The following EDF1 variants were observed in gnomAD, a reference collection of about 807,000 sequenced individuals.
EDF1 encodes the protein endothelial differentiation related factor 1.
Under a neutral mutation model 20.8 loss-of-function variants are expected in EDF1, and 5 were observed. The observed-to-expected ratio is 0.24, with a 90% confidence interval of 0.13 to 0.51. The LOEUF (loss-of-function observed/expected upper bound fraction) is 0.51. Among genes scored for constraint, EDF1 ranks in the 20% least tolerant of loss-of-function variants. The pLI is 0.97. For missense variants in EDF1, 137 were observed against 197.8 expected, an observed-to-expected ratio of 0.69 and a Z score of 1.84; for synonymous variants, 96 against 78.5, an observed-to-expected ratio of 1.22 and a Z score of -1.18.
At position 136,862,689 on chromosome 9, in the gene EDF1, G is replaced by T; in HGVS notation, c.385+217C>A. ...CTGACGGGAACTGGCAAGGGGAAGG[G>T]ACTCGGACTCCACTTGCTCTTAGGG... On this transcript the variant is annotated intron_variant, in intron 4 of 4. Transcript: ENST00000224073. The surrounding 1 kb of genome is among the most constrained non-coding windows in gnomAD (Gnocchi z 4.1). The T allele has an allele frequency of 6.7e-7, 1 of 1,494,750 alleles. No individual in the cohort carries two copies. Among genetic ancestry groups the T allele is most frequent in the South Asian group, 1.3e-5 (1 of 75,310 alleles). 92.6% of individuals were successfully genotyped at this position (1,494,750 alleles called of 1,614,324 possible). A position where few individuals can be genotyped will look rare whatever the true frequency, so the allele number is the denominator to read the frequency against.
At chr9:136,865,857 G>A (rs978864196) in intron 1 of EDF1, among the ~76,000 whole-genome samples, 2 of 73,374 alleles carry the variant, frequency 2.7e-5, no homozygotes, top group Non-Finnish European at 5.0e-5. Flanking sequence ...CACTGGTCCC[G>A]GCCCTATCGC....
rs1368350471 is a variant in EDF1 at position 136,865,964 on chromosome 9, C to A, written c.78+217G>T. Among the ~76,000 whole-genome samples, 8 of 150,420 alleles carry A rather than the reference C, an allele frequency of 5.3e-5. No homozygotes were observed. The East Asian group carries it at 9.8e-4, about 19-fold the overall frequency. On this transcript the variant is annotated intron_variant, in intron 1 of 4. Transcript: ENST00000224073. ...TCCATCCCCTCCTGGGTCCGCCCCC[C>A]ACCTTCCCACCCCTGTCCTGGCCCG...
intron 1 of EDF1, among the ~76,000 whole-genome samples, chr9:136,865,053 A>G (rs1416846369): frequency 6.6e-6 from 1 of 152,138 alleles, no homozygotes; most frequent in African/African-American, 2.4e-5. Flanking sequence ...AGAAAAGGAG[A>G]GTGAATTTGG....
At position 136,863,838 on chromosome 9, in the gene EDF1, C is replaced by A. The variant is rs1849160722; in HGVS notation, c.112G>T (p.Val38Leu). 1 of 1,614,008 alleles carries A rather than the reference C, an allele frequency of 6.2e-7. No homozygotes were observed. Among genetic ancestry groups the A allele is most frequent in the Non-Finnish European group, 8.5e-7 (1 of 1,180,002 alleles). Reference protein sequence around the residue: ...ILAAQRRGEDVETSKKWAAGQ... With the variant: ...ILAAQRRGEDLETSKKWAAGQ... ...TACCTACATTTCTTGGAAGTCTCCA[C>A]ATCTTCTCCTCGTCTCTGTGCCGCT... The change falls in exon 2 of 5, where the codon GTG becomes TTG. Residue 38 changes from valine to leucine, a missense_variant. Physicochemically the swap from Val to Leu is conservative, Grantham distance 32. Coordinates refer to ENST00000224073, the MANE Select transcript of EDF1 (RefSeq NM_003792.4). The surrounding 1 kb of genome is among the most constrained non-coding windows in gnomAD (Gnocchi z 4.5).
In EDF1 at chr9:136,863,134, G is replaced by A; in HGVS notation, c.292-135C>T. The A allele has an allele frequency of 6.6e-7, 1 of 1,506,908 alleles. No homozygotes were observed. Among genetic ancestry groups the A allele is most frequent in the Non-Finnish European group, 9.0e-7 (1 of 1,105,774 alleles). The allele number at this position is 1,506,908 out of a possible 1,614,324, so 93.3% of individuals were successfully genotyped here. A position where few individuals can be genotyped will look rare whatever the true frequency, so the allele number is the denominator to read the frequency against. On this transcript the variant is annotated intron_variant, in intron 3 of 4. Transcript: ENST00000224073. The surrounding 1 kb of genome is among the most constrained non-coding windows in gnomAD (Gnocchi z 4.5). ...CCACACGCAGCTGGGTTTTGTGCGA[G>A]AGGCAGTGAGAGCCGGGCTGACCTG...
chr9:136,863,736 C>T lies in EDF1; in HGVS notation c.130+84G>A, dbSNP rs114758798. 1.6e-3 allele frequency: 2,513 copies of T among 1,528,912 alleles called. 45 individuals are homozygous for T. The African/African-American group carries it at 0.029, about 18-fold the overall frequency. 94.7% of individuals were successfully genotyped at this position (1,528,912 alleles called of 1,614,324 possible). On this transcript the variant is annotated intron_variant, in intron 2 of 4. Transcript: ENST00000224073. The surrounding 1 kb of genome is among the most constrained non-coding windows in gnomAD (Gnocchi z 4.5). ...GCAGGCACTCAGCTGACAACGTCCC[C>T]GGGGGCGCCGCACACACCACACCCA...
chr9:136,866,044 A>C (rs1438647004), intron 1 of EDF1, 137 bp downstream of exon 1: 31 of 350,760 alleles, frequency 8.8e-5, no homozygotes, highest in African/African-American at 3.8e-4. Flanking sequence ...TGCCCCCGGC[A>C]CCCCAGCCTT....
chr9:136,863,128 G>A lies in EDF1; in HGVS notation c.292-129C>T. ...ACGCACCCACACGCAGCTGGGTTTT[G>A]TGCGAGAGGCAGTGAGAGCCGGGCT... On this transcript the variant is annotated intron_variant, in intron 3 of 4. Coordinates refer to ENST00000224073, the MANE Select transcript of EDF1 (RefSeq NM_003792.4). This position sits in a 1 kb window ranked among gnomAD's most constrained non-coding sequence, Gnocchi z 4.5. 1 of 1,515,860 alleles carries A rather than the reference G, an allele frequency of 6.6e-7. No homozygotes were observed. Among genetic ancestry groups the A allele is most frequent in the Non-Finnish European group, 9.0e-7 (1 of 1,110,218 alleles). 93.9% of individuals were successfully genotyped at this position (1,515,860 alleles called of 1,614,324 possible). A position where few individuals can be genotyped will look rare whatever the true frequency, so the allele number is the denominator to read the frequency against.
At position 136,862,727 on chromosome 9, in the gene EDF1, C is replaced by T. The variant is rs1235237634; in HGVS notation, c.385+179G>A. ...CTTGCTCTTAGGGGTTTCCTGAGGC[C>T]TGCAGAGACCCCACCATCCCTCAGT... On this transcript the variant is annotated intron_variant, in intron 4 of 4. Transcript: ENST00000224073. The surrounding 1 kb of genome is among the most constrained non-coding windows in gnomAD (Gnocchi z 4.1). 3.2e-6 allele frequency: 5 copies of T among 1,544,654 alleles called. No homozygotes were observed. The African/African-American group carries it at 5.5e-5, about 17-fold the overall frequency.
At chr9:136,865,131 C>T (rs980777564) in intron 1 of EDF1, among the ~76,000 whole-genome samples, 3 of 152,170 alleles carry the variant, frequency 2.0e-5, no homozygotes, top group African/African-American at 4.8e-5. Context: ...CCCAGCGCAT[C>T]CTGGCCCAAC....
chr9:136,866,259 G>T lies in EDF1; in HGVS notation c.-1C>A. On this transcript the variant is annotated 5_prime_UTR_variant, in exon 1 of 5. Coordinates refer to ENST00000224073, the MANE Select transcript of EDF1 (RefSeq NM_003792.4). Reference sequence around the variant, plus strand: ...CCGTGTCCCAGTCGCTCTCGGCCATGGCGGGCGAAGACGAGCGTCCGTCCG... The same window carrying T: ...CCGTGTCCCAGTCGCTCTCGGCCATTGCGGGCGAAGACGAGCGTCCGTCCG... 6.3e-7 allele frequency: 1 copy of T among 1,596,010 alleles called. No individual in the cohort carries two copies. Among genetic ancestry groups the T allele is most frequent in the South Asian group, 1.1e-5 (1 of 88,904 alleles).
chr9:136,863,926 C>T lies in EDF1; in HGVS notation c.79-55G>A, dbSNP rs1350993405. The T allele has an allele frequency of 1.9e-6, 3 of 1,590,612 alleles. No individual in the cohort carries two copies. Among genetic ancestry groups the T allele is most frequent in the African/African-American group, 1.3e-5 (1 of 74,612 alleles). Reference sequence around the variant, plus strand: ...AAATTAGCTTTGACAGTATCCAGCACACACCAATTCAGGCCTGCTGTTAGC... The same window carrying T: ...AAATTAGCTTTGACAGTATCCAGCATACACCAATTCAGGCCTGCTGTTAGC... On this transcript the variant is annotated intron_variant, in intron 1 of 4. Transcript: ENST00000224073. The surrounding 1 kb of genome is among the most constrained non-coding windows in gnomAD (Gnocchi z 4.5).
intron 1 of EDF1, among the ~76,000 whole-genome samples, chr9:136,865,255 C>T (rs571949208): frequency 2.6e-5 from 4 of 152,234 alleles, no homozygotes; most frequent in East Asian, 1.9e-4. Flanking sequence ...GATCCATCAG[C>T]CACATTGGTA....
In EDF1 at chr9:136,862,373, T is replaced by C. The variant is rs201155783; in HGVS notation, c.386-28A>G. ...GAAATGAGCCACAGCCACTGGCCAC[T>C]GCAGCACCAGCTCCCTCCTCCCCCC... On this transcript the variant is annotated intron_variant, in intron 4 of 4. Coordinates refer to ENST00000224073, the MANE Select transcript of EDF1 (RefSeq NM_003792.4). The surrounding 1 kb of genome is among the most constrained non-coding windows in gnomAD (Gnocchi z 4.1). The C allele has an allele frequency of 1.1e-4, 181 of 1,613,990 alleles. No homozygotes were observed. In the African/African-American group the frequency reaches 1.2e-3, roughly 11 times the overall value.
rs1849149954 is a variant in EDF1, at chr9:136,863,384, T to TG, written c.194dup (p.Glu66ArgfsTer6). On this transcript the variant is annotated frameshift_variant, in exon 3 of 5. Coordinates refer to ENST00000224073, the MANE Select transcript of EDF1 (RefSeq NM_003792.4). LOFTEE classifies it high-confidence loss of function. The surrounding 1 kb of genome is among the most constrained non-coding windows in gnomAD (Gnocchi z 4.5). ...TCACCCTGTCATGGTGCAGCTCCTC[T>TG]GTCTCCCGGTCCAGCTTGGCCGTGT... is the stretch of plus-strand genomic sequence containing the variant. The TG allele has an allele frequency of 6.2e-7, 1 of 1,614,038 alleles. No homozygotes were observed. The highest frequency in any genetic ancestry group is 1.7e-5 in the Admixed American group (1 of 60,008).
At position 136,862,219 on chromosome 9, in the gene EDF1, C is replaced by A. The variant is rs1255063299; in HGVS notation, c.*65G>T. The A allele has an allele frequency of 6.2e-7, 1 of 1,605,440 alleles. No individual in the cohort carries two copies. The highest frequency in any genetic ancestry group is 8.5e-7 in the Non-Finnish European group (1 of 1,172,572). On this transcript the variant is annotated 3_prime_UTR_variant, in exon 5 of 5. Coordinates refer to ENST00000224073, the MANE Select transcript of EDF1 (RefSeq NM_003792.4). The surrounding 1 kb of genome is among the most constrained non-coding windows in gnomAD (Gnocchi z 4.1). The stretch of plus-strand genomic sequence containing the variant: ...CGTTCGGCCCGTGAGGAGAACGGAA[C>A]TGGCGGCCAAGGGGAACCGGCGGAA...
chr9:136,862,511 G>A lies in EDF1; in HGVS notation c.386-166C>T, dbSNP rs371485794. 2.1e-5 allele frequency: 34 copies of A among 1,609,890 alleles called. No individual in the cohort carries two copies. The highest frequency in any genetic ancestry group is 3.3e-4 in the Middle Eastern group (2 of 6,002). ...GGTTCCCACATCTAATTTTGAAGAG[G>A]ATGAGTCTGATCACCTTAGACAGCA... On this transcript the variant is annotated intron_variant, in intron 4 of 4. Transcript: ENST00000224073. This position sits in a 1 kb window ranked among gnomAD's most constrained non-coding sequence, Gnocchi z 4.1.
At position 136,862,870 on chromosome 9, in the gene EDF1, T is replaced by C; in HGVS notation, c.385+36A>G. 1.2e-6 allele frequency: 2 copies of C among 1,612,388 alleles called. No individual in the cohort carries two copies. Among genetic ancestry groups the C allele is most frequent in the Non-Finnish European group, 1.7e-6 (2 of 1,179,978 alleles). On this transcript the variant is annotated intron_variant, in intron 4 of 4. Coordinates refer to ENST00000224073, the MANE Select transcript of EDF1 (RefSeq NM_003792.4). This position sits in a 1 kb window ranked among gnomAD's most constrained non-coding sequence, Gnocchi z 4.1. The stretch of plus-strand genomic sequence containing the variant: ...CAGCTGGGAGCGGGTAGCCTCCCTG[T>C]TCAGCGGACCCGGCGAAGGGTGGAG...
Position 136,862,380 on chromosome 9 carries a change from C to A in EDF1, c.386-35G>T. 6.2e-7 allele frequency: 1 copy of A among 1,614,040 alleles called. No homozygotes were observed. The highest frequency in any genetic ancestry group is 8.5e-7 in the Non-Finnish European group (1 of 1,180,012). On this transcript the variant is annotated intron_variant, in intron 4 of 4. Coordinates refer to ENST00000224073, the MANE Select transcript of EDF1 (RefSeq NM_003792.4). The surrounding 1 kb of genome is among the most constrained non-coding windows in gnomAD (Gnocchi z 4.1). Reference sequence around the variant, plus strand: ...GCCACAGCCACTGGCCACTGCAGCACCAGCTCCCTCCTCCCCCCAACGCTG... The same window carrying A: ...GCCACAGCCACTGGCCACTGCAGCAACAGCTCCCTCCTCCCCCCAACGCTG...
Sources: gnomAD v4.1 joint callset for allele counts (sites outside exome capture counted in the v4.1 genomes callset) on GRCh38, gnomAD v4.1.1 for gene constraint, Gnocchi (gnomAD v3.1) non-coding constraint, MANE v1.5 for transcripts, NCBI Gene and HGNC (gene_info 2026-07-23, HGNC 2026-07-21) for gene names.